Variants in NKX6-1 observed in about 807,000 individuals in gnomAD.
NKX6-1 encodes the protein NK6 homeobox 1.
NKX6-1 carries 11 observed loss-of-function variants against 24.9 expected under a neutral mutation model. The observed-to-expected ratio is 0.44, with a 90% CI of 0.28 to 0.73. The LOEUF is 0.73. Ranked by LOEUF, NKX6-1 falls within the 30% of genes least tolerant of loss-of-function variation. The pLI, the probability that NKX6-1 is intolerant of heterozygous loss-of-function variation, is 0.15. For synonymous variants in NKX6-1, 277 were observed against 242.9 expected (o/e 1.14, Z -1.31); for missense variants, 487 against 502.9 (o/e 0.97, Z 0.30).
chr4:84,495,499 G>A (rs1385374667), intron 2 of NKX6-1, among the ~76,000 whole-genome samples, 173 bp downstream of exon 2: 1 of 152,214 alleles, frequency 6.6e-6, no homozygotes, highest in Non-Finnish European at 1.5e-5. Context: ...CAGCGCCTTT[G>A]TAGTCCCCAC....
At chr4:84,495,565 C>T in intron 2 of NKX6-1, 107 bp downstream of exon 2, 1 of 1,017,056 alleles carries the variant, frequency 9.8e-7, no homozygotes, top group Non-Finnish European at 1.4e-6. Context: ...ACCTCCCAGG[C>T]GACTGTTTGT....
rs1720733261 is a variant in NKX6-1, at chr4:84,492,008, TG to T, written c.*1280del. ...CGTCTTCAAACTGTTTTTTTTAATTTGATTTATCCTTTGAAACAGAAAGTGC... is the reference window on the plus strand; with the variant it reads ...CGTCTTCAAACTGTTTTTTTTAATTTATTTATCCTTTGAAACAGAAAGTGC... On this transcript the variant is annotated 3_prime_UTR_variant, in exon 3 of 3. Transcript: ENST00000295886. 1.3e-5 allele frequency: 2 copies of T among 152,310 alleles called. No individual in the cohort carries two copies. The highest frequency in any genetic ancestry group is 1.3e-4 in the Admixed American group (2 of 15,298). The allele number at this position is 152,310 out of a possible 1,614,324, so 9.4% of individuals were successfully genotyped here.
Position 84,493,459 on chromosome 4 carries a change from G to A in NKX6-1, c.934C>T (p.Arg312Cys). The A allele has an allele frequency of 1.2e-6, 2 of 1,614,240 alleles. No individual in the cohort carries two copies. Among genetic ancestry groups the A allele is most frequent in the East Asian group, 4.5e-5 (2 of 44,888 alleles). ...TCGTTCTCCGAGGCCCCCTTGAGGC[G>A]CTCTGTCTCCGAGTCCTGCTTCTTC... ...AKKKQDSETE[R>C]LKGASENEEE... Residue 312 changes from arginine (R) to cysteine (C), a missense_variant, in exon 3 of 3, where the codon CGC becomes TGC. Around this residue, in one of 3 missense-constraint regions of NKX6-1, gnomAD observed 126 missense variants for 105.5 expected, o/e 1.19. Transcript: ENST00000295886. This position sits in a 1 kb window ranked among gnomAD's most constrained non-coding sequence, Gnocchi z 5.1.
chr4:84,495,781 C>A lies in NKX6-1; in HGVS notation c.734G>T (p.Gly245Val). ...CTTCTCCAGGGCGAAGATCTGCTGTCCGGAAAAAGTGGGTCTCGTGTGTTT... is the reference window on the plus strand; with the variant it reads ...CTTCTCCAGGGCGAAGATCTGCTGTACGGAAAAAGTGGGTCTCGTGTGTTT... ...KRKHTRPTFS[G>V]QQIFALEKTF... Residue 245 changes from glycine to valine, a missense_variant, in exon 2 of 3, where the codon GGA (glycine) becomes GTA (valine). Gly to Val is a moderately radical substitution (Grantham distance 109, BLOSUM62 -3). This residue lies in a region of NKX6-1 where 45 missense variants were observed against 86.0 expected (regional missense o/e 0.52). Coordinates refer to ENST00000295886, the MANE Select transcript of NKX6-1 (RefSeq NM_006168.3). 6.2e-7 allele frequency: 1 copy of A among 1,614,148 alleles called. No individual in the cohort carries two copies. Among genetic ancestry groups the A allele is most frequent in the African/African-American group, 1.3e-5 (1 of 75,044 alleles).
chr4:84,495,913 A>G (rs1045614247), intron 1 of NKX6-1, 69 bp from the exon 2 acceptor site: 8 of 1,473,688 alleles, frequency 5.4e-6, no homozygotes, highest in African/African-American at 2.8e-5. Flanking sequence ...ACTAGGGGGA[A>G]AAAACGAACT....
chr4:84,496,089 G>A (rs1303964318), intron 1 of NKX6-1, among the ~76,000 whole-genome samples: 1 of 152,030 alleles, frequency 6.6e-6, no homozygotes, highest in African/African-American at 2.4e-5. Flanking sequence ...GCTCAACACC[G>A]ACGTCAAACA....
At position 84,497,474 on chromosome 4, in the gene NKX6-1, C is replaced by A. The variant is rs184641710; in HGVS notation, c.670+85G>T. Reference sequence around the variant, plus strand: ...GGGGCGGGCCACAGGATGGACTGAGCGGCATGCACACCAGGGGCCGCGACC... The same window carrying A: ...GGGGCGGGCCACAGGATGGACTGAGAGGCATGCACACCAGGGGCCGCGACC... On this transcript the variant is annotated intron_variant, in intron 1 of 2. Transcript: ENST00000295886. The surrounding 1 kb of genome is among the most constrained non-coding windows in gnomAD (Gnocchi z 4.8). 17 of 1,247,012 alleles carry A rather than the reference C, an allele frequency of 1.4e-5. No individual in the cohort carries two copies. The East Asian group carries it at 3.2e-4, about 23-fold the overall frequency. 77.2% of individuals were successfully genotyped at this position (1,247,012 alleles called of 1,614,324 possible).
In NKX6-1 at chr4:84,497,877, C is replaced by A. The variant is rs1720854386; in HGVS notation, c.352G>T (p.Ala118Ser). The change falls in exon 1 of 3, where the codon GCC becomes TCC. Residue 118 changes from alanine (A) to serine (S), a missense_variant. Around this residue, in one of 3 missense-constraint regions of NKX6-1, gnomAD observed 316 missense variants for 311.4 expected, o/e 1.01. Coordinates refer to ENST00000295886, the MANE Select transcript of NKX6-1 (RefSeq NM_006168.3). This position sits in a 1 kb window ranked among gnomAD's most constrained non-coding sequence, Gnocchi z 4.8. Reference sequence around the variant, plus strand: ...GAGGAGGAGGAACCGGAGGGCGAGGCGGAGGGCAGGGCGGCCCCCGAGGCC... The same window carrying A: ...GAGGAGGAGGAACCGGAGGGCGAGGAGGAGGGCAGGGCGGCCCCCGAGGCC... ...PVASGAALPS[A>S]SPSGSSSSSS... The A allele has an allele frequency of 6.3e-6, 8 of 1,278,088 alleles. No homozygotes were observed. Among genetic ancestry groups the A allele is most frequent in the Non-Finnish European group, 6.9e-6 (7 of 1,013,702 alleles). 79.2% of individuals were successfully genotyped at this position (1,278,088 alleles called of 1,614,324 possible).
Position 84,497,840 on chromosome 4 carries a change from G to A in NKX6-1, c.389C>T (p.Ser130Phe). 7.9e-7 allele frequency: 1 copy of A among 1,271,732 alleles called. No homozygotes were observed. Among genetic ancestry groups the A allele is most frequent in the Non-Finnish European group, 9.9e-7 (1 of 1,012,936 alleles). 78.8% of individuals were successfully genotyped at this position (1,271,732 alleles called of 1,614,324 possible). A position where few individuals can be genotyped will look rare whatever the true frequency, so the allele number is the denominator to read the frequency against. The change falls in exon 1 of 3, where the codon TCC becomes TTC. Residue 130 changes from serine (S) to phenylalanine (F), a missense_variant. Ser to Phe is a radical substitution (Grantham distance 155). Transcript: ENST00000295886. This position sits in a 1 kb window ranked among gnomAD's most constrained non-coding sequence, Gnocchi z 4.8. ...PSGSSSSSSS[S>F]ASASSASAAA... ...GGCAGAGGCGGAGGAGGCAGAGGCGGACGAGGAAGAGGAGGAGGAGGAACC... is the reference window on the plus strand; with the variant it reads ...GGCAGAGGCGGAGGAGGCAGAGGCGAACGAGGAAGAGGAGGAGGAGGAACC...
rs779108890 is a variant in NKX6-1 at position 84,493,777 on chromosome 4, G to A, written c.844-228C>T. Among the ~76,000 whole-genome samples, 2 of 152,186 alleles carry A rather than the reference G, an allele frequency of 1.3e-5. No individual in the cohort carries two copies. The highest frequency in any genetic ancestry group is 4.8e-5 in the African/African-American group (2 of 41,438). On this transcript the variant is annotated intron_variant, in intron 2 of 2. Transcript: ENST00000295886. The surrounding 1 kb of genome is among the most constrained non-coding windows in gnomAD (Gnocchi z 5.1). ...ACAAACTGACTGCCGTTGCCATAGC[G>A]ATGGTAACACAAGAGTATTGAGGTT...
chr4:84,493,684 C>T lies in NKX6-1; in HGVS notation c.844-135G>A. On this transcript the variant is annotated intron_variant, in intron 2 of 2. Coordinates refer to ENST00000295886, the MANE Select transcript of NKX6-1 (RefSeq NM_006168.3). This position sits in a 1 kb window ranked among gnomAD's most constrained non-coding sequence, Gnocchi z 5.1. Reference sequence around the variant, plus strand: ...GAAGGCCTGCTGCCCTCCCTCGCAGCCCTCCCTTTTCTCGGCCGTCAAAGT... The same window carrying T: ...GAAGGCCTGCTGCCCTCCCTCGCAGTCCTCCCTTTTCTCGGCCGTCAAAGT... 1 of 1,108,508 alleles carries T rather than the reference C, an allele frequency of 9.0e-7. No individual in the cohort carries two copies. The highest frequency in any genetic ancestry group is 1.3e-6 in the Non-Finnish European group (1 of 792,526). 68.7% of individuals were successfully genotyped at this position (1,108,508 alleles called of 1,614,324 possible).
Position 84,498,337 on chromosome 4 carries a change from G to C in NKX6-1, c.-109C>G, listed in dbSNP as rs1440709703. 1.0e-5 allele frequency: 12 copies of C among 1,199,628 alleles called. No individual in the cohort carries two copies. Among genetic ancestry groups the C allele is most frequent in the Non-Finnish European group, 1.3e-5 (12 of 953,984 alleles). 74.3% of individuals were successfully genotyped at this position (1,199,628 alleles called of 1,614,324 possible). A position where few individuals can be genotyped will look rare whatever the true frequency, so the allele number is the denominator to read the frequency against. On this transcript the variant is annotated 5_prime_UTR_variant, in exon 1 of 3. Transcript: ENST00000295886. ...CGAGGGCGCGAGCGGAGAGGCACTCGGCGCGCCCGGAGGCGAGCTGCCAAC... is the reference window on the plus strand; with the variant it reads ...CGAGGGCGCGAGCGGAGAGGCACTCCGCGCGCCCGGAGGCGAGCTGCCAAC...
rs1720768998 is a variant in NKX6-1, at chr4:84,493,614, C to T, written c.844-65G>A. 3 of 1,577,180 alleles carry T rather than the reference C, an allele frequency of 1.9e-6. No homozygotes were observed. Among genetic ancestry groups the T allele is most frequent in the South Asian group, 1.1e-5 (1 of 87,808 alleles). ...GAGGAATTAAACGAGCAGATCCAGG[C>T]CATGCTACCACTCCCGCATCTCGAT... is the stretch of plus-strand genomic sequence containing the variant. On this transcript the variant is annotated intron_variant, in intron 2 of 2. Transcript: ENST00000295886. The surrounding 1 kb of genome is among the most constrained non-coding windows in gnomAD (Gnocchi z 5.1).
Position 84,498,107 on chromosome 4 carries a change from G to A in NKX6-1, c.122C>T (p.Pro41Leu), listed in dbSNP as rs1560617469. Residue 41 changes from proline (P) to leucine (L), a missense_variant, in exon 1 of 3, where the codon CCC becomes CTC. This residue lies in a region of NKX6-1 where 316 missense variants were observed against 311.4 expected (regional missense o/e 1.01). Transcript: ENST00000295886. ...GGAGGGGGGGCCGGCAGGCAGCGGG[G>A]GATACGCGGCAGGGTACAGCGGGGT... ...MKTPLYPAAY[P>L]PLPAGPPSSS... The A allele has an allele frequency of 3.9e-6, 5 of 1,276,866 alleles. No homozygotes were observed. Among genetic ancestry groups the A allele is most frequent in the Non-Finnish European group, 4.9e-6 (5 of 1,011,946 alleles). 79.1% of individuals were successfully genotyped at this position (1,276,866 alleles called of 1,614,324 possible).
In NKX6-1 at chr4:84,497,548, G is replaced by A. The variant is rs1410242834; in HGVS notation, c.670+11C>T. 4.0e-6 allele frequency: 5 copies of A among 1,255,692 alleles called. No individual in the cohort carries two copies. Among genetic ancestry groups the A allele is most frequent in the East Asian group, 3.1e-5 (1 of 31,852 alleles). 77.8% of individuals were successfully genotyped at this position (1,255,692 alleles called of 1,614,324 possible). A position where few individuals can be genotyped will look rare whatever the true frequency, so the allele number is the denominator to read the frequency against. On this transcript the variant is annotated intron_variant, in intron 1 of 2. Coordinates refer to ENST00000295886, the MANE Select transcript of NKX6-1 (RefSeq NM_006168.3). The surrounding 1 kb of genome is among the most constrained non-coding windows in gnomAD (Gnocchi z 4.8). ...GCAGGCAGGCATCGGGGCGCGGGTGGTAGTACTCACGAGGGGTACAGGCCA... is the reference window on the plus strand; with the variant it reads ...GCAGGCAGGCATCGGGGCGCGGGTGATAGTACTCACGAGGGGTACAGGCCA...
At position 84,498,260 on chromosome 4, in the gene NKX6-1, A is replaced by T; in HGVS notation, c.-32T>A. 1 of 1,291,126 alleles carries T rather than the reference A, an allele frequency of 7.7e-7. No individual in the cohort carries two copies. The highest frequency in any genetic ancestry group is 9.8e-7 in the Non-Finnish European group (1 of 1,019,354). The allele number at this position is 1,291,126 out of a possible 1,614,324, so 80.0% of individuals were successfully genotyped here. On this transcript the variant is annotated 5_prime_UTR_variant, in exon 1 of 3. Coordinates refer to ENST00000295886, the MANE Select transcript of NKX6-1 (RefSeq NM_006168.3). ...GCCACGCCGGAGACCGTAGCCTTGC[A>T]GCGAGGGCGCTGGCTGGTGCCCCCC...
chr4:84,497,720 G>C lies in NKX6-1; in HGVS notation c.509C>G (p.Pro170Arg). The C allele has an allele frequency of 7.9e-7, 1 of 1,259,664 alleles. No individual in the cohort carries two copies. Among genetic ancestry groups the C allele is most frequent in the South Asian group, 3.4e-5 (1 of 29,344 alleles). The allele number at this position is 1,259,664 out of a possible 1,614,324, so 78.0% of individuals were successfully genotyped here. The stretch of plus-strand genomic sequence containing the variant: ...GCTGAAGTAGAGCCCGGGCGGCGGC[G>C]GCGGCGGGCTCAGGCTGCTAAAGCG... ...LPRFSSLSPP[P>R]PPPGLYFSPS... Residue 170 changes from proline to arginine, a missense_variant, in exon 1 of 3, where the codon CCG becomes CGG. By Grantham distance (103) the Pro-to-Arg change is moderately radical. Around this residue, in one of 3 missense-constraint regions of NKX6-1, gnomAD observed 316 missense variants for 311.4 expected, o/e 1.01. Coordinates refer to ENST00000295886, the MANE Select transcript of NKX6-1 (RefSeq NM_006168.3). The surrounding 1 kb of genome is among the most constrained non-coding windows in gnomAD (Gnocchi z 4.8).
Position 84,498,172 on chromosome 4 carries a change from G to T in NKX6-1, c.57C>A (p.Ser19Arg). 7.7e-7 allele frequency: 1 copy of T among 1,297,548 alleles called. No individual in the cohort carries two copies. The highest frequency in any genetic ancestry group is 9.8e-7 in the Non-Finnish European group (1 of 1,022,674). 80.4% of individuals were successfully genotyped at this position (1,297,548 alleles called of 1,614,324 possible). The part of the protein sequence containing the change: ...GTRQSAFLLS[S>R]PPLAALHSMA... ...TGCTGTGCAGGGCGGCCAGGGGAGG[G>T]CTGCTGAGCAGGAATGCGCTCTGCC... Residue 19 changes from serine (S) to arginine (R), a missense_variant, in exon 1 of 3, where the codon AGC becomes AGA. Ser to Arg is a moderately radical substitution (Grantham distance 110). Transcript: ENST00000295886.
chr4:84,498,406 CA>C lies in NKX6-1; in HGVS notation c.-179del. ...GCCGGGAGTTGCTCGCCTAGCTGCG[CA>C]GCAGAGATGTCCAAACCCTCCACGC... is the stretch of plus-strand genomic sequence containing the variant. On this transcript the variant is annotated 5_prime_UTR_variant, in exon 1 of 3. Coordinates refer to ENST00000295886, the MANE Select transcript of NKX6-1 (RefSeq NM_006168.3). 1.7e-6 allele frequency: 1 copy of C among 597,736 alleles called. No individual in the cohort carries two copies. The highest frequency in any genetic ancestry group is 2.4e-6 in the Non-Finnish European group (1 of 408,952). 37.0% of individuals were successfully genotyped at this position (597,736 alleles called of 1,614,324 possible).
Sources: allele counts gnomAD v4.1 joint callset (sites outside exome capture counted in the v4.1 genomes callset), GRCh38; gene constraint gnomAD v4.1.1; regional missense constraint gnomAD v4.1.1; non-coding constraint Gnocchi (gnomAD v3.1); transcripts MANE v1.5; gene names NCBI Gene and HGNC (gene_info 2026-07-23, HGNC 2026-07-21).